JPH1: variants seen among roughly 807,000 people sequenced by gnomAD.
The protein encoded by JPH1 is junctophilin-1.
Under a neutral mutation model 53.6 loss-of-function variants are expected in JPH1, and 12 were observed. The ratio of observed to expected loss-of-function variants is 0.22; its 90% CI spans 0.14 to 0.36. The LOEUF (loss-of-function observed/expected upper bound fraction) is 0.36. Among genes scored for constraint, JPH1 ranks in the 10% least tolerant of loss-of-function variants. The probability of loss-of-function intolerance (pLI) is 1.00; values close to 1 mark genes in which losing one functional copy is unlikely to be tolerated. For synonymous variants in JPH1, 375 were observed against 363.8 expected (o/e 1.03, Z -0.35); for missense variants, 808 against 905.5 (o/e 0.89, Z 1.38).
At chr8:74,268,299 G>A (rs148134294) in intron 2 of JPH1, among the ~76,000 whole-genome samples, 11 of 152,272 alleles carry the variant, frequency 7.2e-5, no homozygotes, top group African/African-American at 2.4e-4. Flanking sequence ...TGGAAGAAAG[G>A]CACATAAGAA....
intron 2 of JPH1, among the ~76,000 whole-genome samples, chr8:74,305,155 A>G (rs1430929615): frequency 2.0e-5 from 3 of 152,248 alleles, no homozygotes; most frequent in African/African-American, 7.2e-5. Context: ...TAATAAGAAA[A>G]GCATCTCAAA....
intron 2 of JPH1, among the ~76,000 whole-genome samples, chr8:74,267,223 AG>A (rs1586745998): frequency 6.6e-6 from 1 of 152,202 alleles, no homozygotes; most frequent in Non-Finnish European, 1.5e-5. Context: ...GTCATGTCAC[AG>A]AAGATGAGTT....
At chr8:74,288,231 G>C (rs1807225979) in intron 2 of JPH1, among the ~76,000 whole-genome samples, 1 of 152,170 alleles carries the variant, frequency 6.6e-6, no homozygotes. Context: ...GCGAGGACAG[G>C]TTTCATCTTC....
chr8:74,244,742 T>G lies in JPH1; in HGVS notation c.1692A>C (p.Pro564=). 1.2e-6 allele frequency: 2 copies of G among 1,614,154 alleles called. No homozygotes were observed. Among genetic ancestry groups the G allele is most frequent in the Non-Finnish European group, 1.7e-6 (2 of 1,180,026 alleles). ...ATCCATCGCCGTCCTCCACGTCTAC[T>G]GGAGGGTGCTGGGGGGCGTTCAGCT... ...YVKLNAPQHP[P]VDVEDGDGSS... Residue 564 remains proline, a synonymous_variant, in exon 4 of 6, where the codon CCA becomes CCC. Coordinates refer to ENST00000342232, the MANE Select transcript of JPH1 (RefSeq NM_020647.4).
At chr8:74,238,621 C>T (rs1311333515) in intron 4 of JPH1, among the ~76,000 whole-genome samples, 2 of 152,166 alleles carry the variant, frequency 1.3e-5, no homozygotes, top group Non-Finnish European at 2.9e-5. Context: ...TTTAATGAGA[C>T]TCTACTATCT....
At chr8:74,267,683 G>A (rs904804207) in intron 2 of JPH1, among the ~76,000 whole-genome samples, 3 of 152,192 alleles carry the variant, frequency 2.0e-5, no homozygotes, top group Admixed American at 6.5e-5. Flanking sequence ...GCCACATGCT[G>A]GAGACTTTTG....
Position 74,321,321 on chromosome 8 carries a change from G to A in JPH1, c.-34C>T. The A allele has an allele frequency of 6.7e-7, 1 of 1,498,760 alleles. No homozygotes were observed. Among genetic ancestry groups the A allele is most frequent in the Non-Finnish European group, 8.9e-7 (1 of 1,123,568 alleles). 92.8% of individuals were successfully genotyped at this position (1,498,760 alleles called of 1,614,324 possible). ...CAGCCCCGGCGCGCTCCCCGCAGGG[G>A]CACGGACGCGGGCAGTGCTGGGCAC... On this transcript the variant is annotated 5_prime_UTR_variant, in exon 1 of 6. Coordinates refer to ENST00000342232, the MANE Select transcript of JPH1 (RefSeq NM_020647.4). The surrounding 1 kb of genome is among the most constrained non-coding windows in gnomAD (Gnocchi z 4.3).
At chr8:74,269,118 T>G (rs1427142473) in intron 2 of JPH1, among the ~76,000 whole-genome samples, 1 of 152,186 alleles carries the variant, frequency 6.6e-6, no homozygotes, top group Non-Finnish European at 1.5e-5. Context: ...TCTCTAGAAA[T>G]CTCAAATCCA....
intron 2 of JPH1, 28 bp downstream of exon 2, chr8:74,314,833 C>A: frequency 6.2e-7 from 1 of 1,612,444 alleles, no homozygotes; most frequent in South Asian, 1.1e-5. Flanking sequence ...ACCAACCCAG[C>A]AAAACCAACC....
intron 3 of JPH1, among the ~76,000 whole-genome samples, chr8:74,247,694 G>A (rs1452479076): frequency 6.6e-6 from 1 of 152,148 alleles, no homozygotes; most frequent in East Asian, 1.9e-4. Flanking sequence ...CTTAGAAGAT[G>A]TAAGACCATG....
Position 74,279,548 on chromosome 8 carries a change from A to C in JPH1, c.1140-20045T>G, listed in dbSNP as rs569802119. On this transcript the variant is annotated intron_variant, in intron 2 of 5. Coordinates refer to ENST00000342232, the MANE Select transcript of JPH1 (RefSeq NM_020647.4). ...CAGCTCTGCATAGGGGCTTAAGAGA[A>C]TGGATTCCTTCTACTGCAGACTCCT... Among the ~76,000 whole-genome samples, 79 of 152,296 alleles carry C rather than the reference A, an allele frequency of 5.2e-4. No individual in the cohort carries two copies. The South Asian group carries it at 0.016, about 31-fold the overall frequency.
chr8:74,287,669 CTT>C (rs770530034), intron 2 of JPH1, among the ~76,000 whole-genome samples: 26 of 136,766 alleles, frequency 1.9e-4, no homozygotes, highest in Admixed American at 1.5e-4. Flanking sequence ...AGTCTAGTTT[CTT>C]TTTTTTTTTT....
At chr8:74,293,245 A>G (rs1422349328) in intron 2 of JPH1, among the ~76,000 whole-genome samples, 1 of 152,198 alleles carries the variant, frequency 6.6e-6, no homozygotes, top group Non-Finnish European at 1.5e-5. Flanking sequence ...TAATGCCTCA[A>G]AGACACTATT....
chr8:74,251,687 C>T (rs1229276968), intron 3 of JPH1, among the ~76,000 whole-genome samples: 1 of 151,950 alleles, frequency 6.6e-6, no homozygotes, highest in Admixed American at 6.6e-5. Flanking sequence ...CTACTTCTTG[C>T]TTTTATAATC....
Position 74,321,358 on chromosome 8 carries a change from G to C in JPH1, c.-71C>G. ...GCAGTGCTGGGCACGGCAGGGTGTAGCTCGGGGGTGGGGGCCCGGCGGGCG... is the reference window on the plus strand; with the variant it reads ...GCAGTGCTGGGCACGGCAGGGTGTACCTCGGGGGTGGGGGCCCGGCGGGCG... On this transcript the variant is annotated 5_prime_UTR_variant, in exon 1 of 6. Transcript: ENST00000342232. This position sits in a 1 kb window ranked among gnomAD's most constrained non-coding sequence, Gnocchi z 4.3. 7.2e-7 allele frequency: 1 copy of C among 1,382,256 alleles called. No homozygotes were observed. Among genetic ancestry groups the C allele is most frequent in the Non-Finnish European group, 9.4e-7 (1 of 1,066,794 alleles). The allele number at this position is 1,382,256 out of a possible 1,614,324, so 85.6% of individuals were successfully genotyped here.
chr8:74,276,883 T>C (rs1465416236), intron 2 of JPH1, among the ~76,000 whole-genome samples: 1 of 152,262 alleles, frequency 6.6e-6, no homozygotes, highest in Non-Finnish European at 1.5e-5. Flanking sequence ...CAGTTCTCCT[T>C]ATTGTATGAG....
At chr8:74,291,144 G>A (rs28832690) in intron 2 of JPH1, among the ~76,000 whole-genome samples, 102,023 of 151,934 alleles carry the variant, frequency 0.67, 34,862 homozygotes, top group African/African-American at 0.81. Flanking sequence ...ATCTAATTAA[G>A]CTAAAGAACT....
At chr8:74,301,814 T>C (rs575577886) in intron 2 of JPH1, among the ~76,000 whole-genome samples, 21 of 152,342 alleles carry the variant, frequency 1.4e-4, no homozygotes, top group African/African-American at 4.8e-4. Context: ...GCTCACAAGA[T>C]TTGTGGCTGT....
At chr8:74,317,048 T>C (rs183458528) in intron 1 of JPH1, among the ~76,000 whole-genome samples, 3 of 152,356 alleles carry the variant, frequency 2.0e-5, no homozygotes, top group African/African-American at 7.2e-5. Flanking sequence ...CTGCAGTCAC[T>C]TTGCATTTTA....
Sources: allele counts gnomAD v4.1 joint callset (sites outside exome capture counted in the v4.1 genomes callset), GRCh38; gene constraint gnomAD v4.1.1; non-coding constraint Gnocchi (gnomAD v3.1); transcripts MANE v1.5; gene names NCBI Gene and HGNC (gene_info 2026-07-23, HGNC 2026-07-21).